The following SIPA1L3 variants were observed in gnomAD, a reference collection of about 807,000 sequenced individuals.
SIPA1L3 encodes signal induced proliferation associated 1 like 3.
SIPA1L3 carries 59 observed loss-of-function variants against 150.1 expected under a neutral mutation model. The observed-to-expected ratio is 0.39, with a 90% CI of 0.32 to 0.49. SIPA1L3 has a LOEUF of 0.49. SIPA1L3 is among the 20% of genes least tolerant of loss of function. SIPA1L3 has a pLI of 0.86. For missense variants in SIPA1L3, 2,211 were observed against 2,489.5 expected (o/e 0.89, Z 2.38); for synonymous variants, 1,070 against 1,077.6 (o/e 0.99, Z 0.14).
At chr19:38,033,764 C>T (rs1302479950) in intron 2 of SIPA1L3, among the ~76,000 whole-genome samples, 2 of 151,990 alleles carry the variant, frequency 1.3e-5, no homozygotes, top group African/African-American at 2.4e-5. Flanking sequence ...TGGAACACAG[C>T]GACTGGGCTT....
chr19:38,191,177 C>T (rs1972795945), intron 16 of SIPA1L3, among the ~76,000 whole-genome samples: 1 of 151,800 alleles, frequency 6.6e-6, no homozygotes. Context: ...GAGGCTGAGG[C>T]GGAAGGATCG....
intron 1 of SIPA1L3, among the ~76,000 whole-genome samples, chr19:37,992,388 C>T (rs1174239049): frequency 1.3e-5 from 2 of 152,176 alleles, no homozygotes; most frequent in Non-Finnish European, 2.9e-5. Context: ...TGGTGGCTCA[C>T]GCCTGTAATC....
intron 2 of SIPA1L3, among the ~76,000 whole-genome samples, chr19:38,065,579 G>A (rs1969554430): frequency 6.7e-6 from 1 of 148,812 alleles, no homozygotes; most frequent in African/African-American, 2.5e-5. Flanking sequence ...ACCACACCTA[G>A]CTAATTTTTT....
At chr19:38,138,206 C>T (rs1485792891) in intron 10 of SIPA1L3, among the ~76,000 whole-genome samples, 2 of 152,130 alleles carry the variant, frequency 1.3e-5, no homozygotes, top group African/African-American at 4.8e-5. Context: ...GGCTCCCAAA[C>T]CACTCTACGG....
intron 1 of SIPA1L3, among the ~76,000 whole-genome samples, chr19:37,930,820 A>G (rs559514690): frequency 6.6e-6 from 1 of 152,184 alleles, no homozygotes; most frequent in East Asian, 1.9e-4. Context: ...TGACATGCTT[A>G]GACACCCCTC....
chr19:37,953,894 G>A (rs1029169948), intron 1 of SIPA1L3, among the ~76,000 whole-genome samples: 5 of 152,144 alleles, frequency 3.3e-5, no homozygotes, highest in African/African-American at 4.8e-5. Context: ...TCTGATCATC[G>A]TTAAACATTT....
At chr19:37,948,455 A>G (rs1364479422) in intron 1 of SIPA1L3, among the ~76,000 whole-genome samples, 1 of 151,592 alleles carries the variant, frequency 6.6e-6, no homozygotes, top group Non-Finnish European at 1.5e-5. Flanking sequence ...CAGCAGAGTG[A>G]GACCCGGTCT....
Position 38,119,296 on chromosome 19 carries a change from C to T in SIPA1L3, c.2292-10C>T, listed in dbSNP as rs966696987. The T allele has an allele frequency of 3.7e-6, 6 of 1,606,848 alleles. No homozygotes were observed. In the African/African-American group the frequency reaches 8.0e-5, roughly 21 times the overall value. ...TCTTCCCACCATCTAAATAATCTCT[C>T]CCTCCACAGTATGGCTGTGACCCGA... is the stretch of plus-strand genomic sequence containing the variant. On this transcript the variant is annotated splice_polypyrimidine_tract_variant and intron_variant, in intron 8 of 21. Transcript: ENST00000222345.
intron 1 of SIPA1L3, among the ~76,000 whole-genome samples, chr19:37,915,582 A>G (rs776995131): frequency 2.0e-5 from 3 of 151,976 alleles, no homozygotes; most frequent in Admixed American, 6.6e-5. Flanking sequence ...GGGTTTCACC[A>G]TCTTGGCCAG....
intron 1 of SIPA1L3, among the ~76,000 whole-genome samples, chr19:37,933,666 G>C (rs958641218): frequency 4.6e-5 from 7 of 152,182 alleles, no homozygotes; most frequent in Non-Finnish European, 1.0e-4. Flanking sequence ...GTGGCTGTGG[G>C]TGAGGCGGCA....
At position 38,142,775 on chromosome 19, in the gene SIPA1L3, A is replaced by G; in HGVS notation, c.3533+65A>G. ...TGAAAGCTGTGCCTCCTTCTTCCCC[A>G]GCAAATGCACACCCCCACAATTCTA... On this transcript the variant is annotated intron_variant, in intron 12 of 21. Transcript: ENST00000222345. 2.0e-6 allele frequency: 3 copies of G among 1,536,846 alleles called. No homozygotes were observed. In the South Asian group the frequency reaches 3.6e-5, roughly 19 times the overall value.
chr19:38,205,758 G>A (rs1242913470), intron 21 of SIPA1L3, among the ~76,000 whole-genome samples: 2 of 152,182 alleles, frequency 1.3e-5, no homozygotes, highest in Non-Finnish European at 2.9e-5. Flanking sequence ...TAGGGACAGC[G>A]ACAGTCCCCA....
intron 13 of SIPA1L3, among the ~76,000 whole-genome samples, chr19:38,155,122 C>T (rs1971914686): frequency 1.3e-5 from 2 of 152,328 alleles, no homozygotes; most frequent in South Asian, 4.1e-4. Context: ...GCATCTTATA[C>T]TCTGTCTATC....
intron 1 of SIPA1L3, among the ~76,000 whole-genome samples, chr19:37,931,774 A>C (rs2046556178): frequency 6.6e-6 from 1 of 151,958 alleles, no homozygotes; most frequent in Non-Finnish European, 1.5e-5. Flanking sequence ...AAAATAAATA[A>C]ATAAAGTAGT....
intron 2 of SIPA1L3, among the ~76,000 whole-genome samples, chr19:38,077,661 C>CTTTTTCTT (rs1969870368): frequency 3.1e-5 from 2 of 64,322 alleles, no homozygotes; most frequent in East Asian, 5.5e-4. Context: ...TTTTCTTTTT[C>CTTTTTCTT]TTTTTTTTTT....
chr19:38,167,231 CAA>C (rs370193698), intron 15 of SIPA1L3, among the ~76,000 whole-genome samples: 9 of 87,472 alleles, frequency 1.0e-4, no homozygotes, highest in East Asian at 4.0e-4. Context: ...GATTCCATCT[CAA>C]AAAAAAAAAA....
intron 4 of SIPA1L3, among the ~76,000 whole-genome samples, chr19:38,095,795 G>A (rs149953331): frequency 2.6e-5 from 4 of 152,262 alleles, no homozygotes; most frequent in Non-Finnish European, 5.9e-5. Context: ...AGTGCGCGCC[G>A]ATGAGGTGGT....
At chr19:38,003,341 A>C (rs931928498) in intron 1 of SIPA1L3, among the ~76,000 whole-genome samples, 14 of 152,098 alleles carry the variant, frequency 9.2e-5, no homozygotes, top group Non-Finnish European at 1.9e-4. Context: ...GAAGAATGGG[A>C]TTTTTCAAGC....
intron 2 of SIPA1L3, among the ~76,000 whole-genome samples, chr19:38,062,470 T>C (rs546550546): frequency 6.6e-6 from 1 of 152,174 alleles, no homozygotes; most frequent in Admixed American, 6.5e-5. Context: ...GGATGCTGTG[T>C]GGGCTCAGTG....
Sources: allele counts gnomAD v4.1 joint callset (sites outside exome capture counted in the v4.1 genomes callset), GRCh38; gene constraint gnomAD v4.1.1; transcripts MANE v1.5; gene names NCBI Gene and HGNC (gene_info 2026-07-23, HGNC 2026-07-21).